Variants in CDC14B observed in about 807,000 individuals in gnomAD.
CDC14B encodes dual specificity protein phosphatase CDC14B.
A neutral mutation model predicts 64.2 loss-of-function variants in CDC14B; 22 were observed. The ratio of observed to expected loss-of-function variants is 0.34; its 90% CI spans 0.24 to 0.49. The LOEUF is 0.49. Among genes scored for constraint, CDC14B ranks in the 20% least tolerant of loss-of-function variants. The pLI is 0.99. For missense variants in CDC14B, 498 were observed against 629.9 expected, an observed-to-expected ratio of 0.79 and a Z score of 2.24; for synonymous variants, 191 against 215.8, an observed-to-expected ratio of 0.89 and a Z score of 1.01.
chr9:96,540,545 C>G (rs1216811394), intron 6 of CDC14B, among the ~76,000 whole-genome samples: 1 of 150,984 alleles, frequency 6.6e-6, no homozygotes, highest in Non-Finnish European at 1.5e-5. Flanking sequence ...ATATAGTATG[C>G]AAATGGCAAT....
intron 5 of CDC14B, among the ~76,000 whole-genome samples, chr9:96,548,036 AG>A (rs1841233689): frequency 6.6e-6 from 1 of 152,110 alleles, no homozygotes; most frequent in African/African-American, 2.4e-5. Flanking sequence ...CGTGTTAGCC[AG>A]GATGGTCTCG....
chr9:96,498,022 G>A (rs1564177860), downstream of CDC14B, among the ~76,000 whole-genome samples: 1 of 152,202 alleles, frequency 6.6e-6, no homozygotes, highest in African/African-American at 2.4e-5. Context: ...TAAGGAAATA[G>A]CCAGCACCGC....
intron 1 of CDC14B, among the ~76,000 whole-genome samples, chr9:96,591,834 C>T (rs191477159): frequency 2.6e-5 from 4 of 151,580 alleles, no homozygotes; most frequent in Admixed American, 2.6e-4. Context: ...CAAGCTCCGC[C>T]TCCCGGGTTC....
intron 2 of CDC14B, among the ~76,000 whole-genome samples, chr9:96,565,174 T>A (rs1049537775): frequency 6.6e-6 from 1 of 151,920 alleles, no homozygotes; most frequent in African/African-American, 2.4e-5. Flanking sequence ...TATATCTCAT[T>A]GTAGTGTAAA....
chr9:96,599,934 G>A (rs1287451022), intron 1 of CDC14B, among the ~76,000 whole-genome samples: 1 of 152,026 alleles, frequency 6.6e-6, no homozygotes, highest in African/African-American at 2.4e-5. Flanking sequence ...GTTTCACCAC[G>A]TTGGCCAGGA....
In CDC14B at chr9:96,534,591, C is replaced by T. The variant is rs3802444; in HGVS notation, c.628-49G>A. 499 of 1,222,950 alleles carry T rather than the reference C, an allele frequency of 4.1e-4. 1 individual carries two copies. The East Asian group carries it at 0.011, about 26-fold the overall frequency. The allele number at this position is 1,222,950 out of a possible 1,614,324, so 75.8% of individuals were successfully genotyped here. ...TTCGTTTTTAAATGTATTCTCCCCA[C>T]AACCTCTCTACTCAAGACTGAGTCT... is the stretch of plus-strand genomic sequence containing the variant. On this transcript the variant is annotated intron_variant, in intron 7 of 13. Coordinates refer to ENST00000375241, the MANE Select transcript of CDC14B (RefSeq NM_033331.4).
At chr9:96,578,577 C>T (rs972881486) in intron 1 of CDC14B, among the ~76,000 whole-genome samples, 3 of 152,138 alleles carry the variant, frequency 2.0e-5, no homozygotes, top group Admixed American at 6.6e-5. Context: ...GGAAAACAAG[C>T]ACAAGCAGAC....
intron 7 of CDC14B, among the ~76,000 whole-genome samples, chr9:96,537,476 A>G (rs546665577): frequency 2.0e-5 from 3 of 152,322 alleles, no homozygotes; most frequent in Admixed American, 1.3e-4. Flanking sequence ...AGATGGGCAC[A>G]TGACGTAAGT....
At chr9:96,539,559 G>A (rs1839758849) in intron 6 of CDC14B, among the ~76,000 whole-genome samples, 1 of 152,154 alleles carries the variant, frequency 6.6e-6, no homozygotes. Context: ...AGAAAGAGGA[G>A]AGAATCCATG....
At chr9:96,597,703 T>A (rs1016781604) in intron 1 of CDC14B, among the ~76,000 whole-genome samples, 1 of 152,050 alleles carries the variant, frequency 6.6e-6, no homozygotes, top group Non-Finnish European at 1.5e-5. Flanking sequence ...ATCTTCCAGG[T>A]AGAAGGAAAA....
At chr9:96,556,857 G>A (rs1215214642) in intron 4 of CDC14B, among the ~76,000 whole-genome samples, 2 of 152,062 alleles carry the variant, frequency 1.3e-5, no homozygotes, top group African/African-American at 2.4e-5. Flanking sequence ...AAAACTGGCA[G>A]GCTACAACTT....
At chr9:96,577,689 A>G (rs1266203206) in intron 1 of CDC14B, among the ~76,000 whole-genome samples, 2 of 152,216 alleles carry the variant, frequency 1.3e-5, no homozygotes, top group Non-Finnish European at 2.9e-5. Context: ...TTAAGATTAC[A>G]GCGGCAGTAC....
At chr9:96,532,711 A>G (rs549076314) in intron 9 of CDC14B, among the ~76,000 whole-genome samples, 2 of 152,214 alleles carry the variant, frequency 1.3e-5, no homozygotes, top group South Asian at 4.1e-4. Flanking sequence ...CTTCACACGC[A>G]CTGATTCTTC....
At chr9:96,577,250 C>CAA (rs750429617) in intron 1 of CDC14B, among the ~76,000 whole-genome samples, 6 of 82,700 alleles carry the variant, frequency 7.3e-5, no homozygotes, top group Non-Finnish European at 1.5e-4. Context: ...GACTCCATCT[C>CAA]AAAAAAAAAA....
chr9:96,578,741 T>C (rs767213874), intron 1 of CDC14B, among the ~76,000 whole-genome samples: 1 of 152,226 alleles, frequency 6.6e-6, no homozygotes, highest in Non-Finnish European at 1.5e-5. Context: ...AATTTCAGAA[T>C]AGAGAAAGGT....
intron 8 of CDC14B, 102 bp downstream of exon 8, chr9:96,534,353 A>G (rs918731931): frequency 8.8e-5 from 77 of 876,106 alleles, no homozygotes; most frequent in Non-Finnish European, 1.3e-4. Context: ...ATGCTTAAAT[A>G]ATAATTAACA....
intron 9 of CDC14B, among the ~76,000 whole-genome samples, chr9:96,526,285 G>A (rs1435365398): frequency 1.3e-5 from 2 of 152,226 alleles, no homozygotes; most frequent in East Asian, 1.9e-4. Context: ...GGAGAATGGC[G>A]TGAACCCGGG....
chr9:96,604,220 A>T (rs1428867970), intron 1 of CDC14B, among the ~76,000 whole-genome samples: 1 of 152,128 alleles, frequency 6.6e-6, no homozygotes, highest in Admixed American at 6.6e-5. Context: ...CAAACTTCCA[A>T]GCTACAGTGA....
chr9:96,522,014 T>C (rs1220687353), intron 12 of CDC14B, among the ~76,000 whole-genome samples: 2 of 152,212 alleles, frequency 1.3e-5, no homozygotes, highest in African/African-American at 4.8e-5. Context: ...GGCTAAATCT[T>C]CCTCTATAAT....
Sources: allele counts gnomAD v4.1 joint callset (sites outside exome capture counted in the v4.1 genomes callset), GRCh38; gene constraint gnomAD v4.1.1; transcripts MANE v1.5; gene names NCBI Gene and HGNC (gene_info 2026-07-23, HGNC 2026-07-21).